Variants in SEPTIN11 observed in about 807,000 individuals in gnomAD.
SEPTIN11 encodes septin 11, also known as septin-11.
Under a neutral mutation model 51.4 loss-of-function variants are expected in SEPTIN11, and 25 were observed. That is an observed-to-expected ratio of 0.49 (90% CI 0.35 to 0.68). SEPTIN11 has a LOEUF of 0.68. SEPTIN11 is among the 30% of genes least tolerant of loss of function. The pLI is 0.00. For synonymous variants in SEPTIN11, 174 were observed against 184.1 expected (o/e 0.95, Z 0.44); for missense variants, 381 against 520.8 (o/e 0.73, Z 2.61).
intron 2 of SEPTIN11, among the ~76,000 whole-genome samples, chr4:76,998,889 T>TG (rs1026062718): frequency 6.6e-6 from 1 of 152,092 alleles, no homozygotes; most frequent in Admixed American, 6.6e-5. Flanking sequence ...ATGCTCAGCC[T>TG]GGGGGGAAGA....
At position 77,005,605 on chromosome 4, in the gene SEPTIN11, G is replaced by A. The variant is rs1228756083; in HGVS notation, c.147G>A (p.Glu49=). The change falls in exon 3 of 10, where the codon GAG becomes GAA. Residue 49 remains glutamate (E), a synonymous_variant. Transcript: ENST00000264893. ...GFCFNILCVG[E]TGIGKSTLMD... ...TTTTCTTTTGTGGTTATGTAGGTGA[G>A]ACAGGCATTGGCAAATCCACGTTAA... The A allele has an allele frequency of 1.2e-6, 2 of 1,612,778 alleles. No individual in the cohort carries two copies. The highest frequency in any genetic ancestry group is 2.7e-5 in the African/African-American group (2 of 75,006).
At chr4:76,993,980 C>T (rs897432247) in intron 1 of SEPTIN11, among the ~76,000 whole-genome samples, 7 of 152,124 alleles carry the variant, frequency 4.6e-5, no homozygotes, top group African/African-American at 1.7e-4. Flanking sequence ...AACTCTGATT[C>T]TTTCCCAGGA....
At chr4:77,039,067 C>T (rs1487975288), downstream of SEPTIN11, 2 of 1,287,844 alleles carry the variant, frequency 1.6e-6, no homozygotes, top group Non-Finnish European at 2.0e-6. Context: ...TTTTTCTCTT[C>T]TGTAGCTTCT....
Position 76,984,130 on chromosome 4 carries a change from A to G in SEPTIN11, c.28-12295A>G, listed in dbSNP as rs1237969745. 6.6e-6 allele frequency among the ~76,000 whole-genome samples: 1 copy of G among 152,214 alleles called. No individual in the cohort carries two copies. Among genetic ancestry groups the G allele is most frequent in the Non-Finnish European group, 1.5e-5 (1 of 68,028 alleles). ...TGGTATGTTTATTTCCTCAATATGT[A>G]TCATGGTTTTGGTCATTTCTGGTAT... On this transcript the variant is annotated intron_variant, in intron 1 of 9. Transcript: ENST00000264893. The surrounding 1 kb of genome is among the most constrained non-coding windows in gnomAD (Gnocchi z 4.1).
At chr4:76,951,944 G>T (rs776421499) in intron 1 of SEPTIN11, among the ~76,000 whole-genome samples, 3 of 152,078 alleles carry the variant, frequency 2.0e-5, no homozygotes, top group African/African-American at 7.2e-5. Context: ...TTCTTTCTGC[G>T]CACTCTGTTG....
chr4:77,039,040 T>G, downstream of SEPTIN11: 1 of 1,258,264 alleles, frequency 7.9e-7, no homozygotes, highest in Non-Finnish European at 1.0e-6. Context: ...GAATCAAATT[T>G]GAATCTGAAC....
chr4:76,976,768 T>A (rs1230896014), intron 1 of SEPTIN11, among the ~76,000 whole-genome samples: 2 of 152,198 alleles, frequency 1.3e-5, no homozygotes, highest in Non-Finnish European at 2.9e-5. Flanking sequence ...TAATCTTTTA[T>A]CCCATTGCAA....
At chr4:76,959,337 C>T (rs1468096152) in intron 1 of SEPTIN11, among the ~76,000 whole-genome samples, 2 of 150,752 alleles carry the variant, frequency 1.3e-5, no homozygotes, top group African/African-American at 2.4e-5. Flanking sequence ...TTGTCTCAAA[C>T]CCCTGGCCTC....
intron 1 of SEPTIN11, among the ~76,000 whole-genome samples, chr4:76,966,984 G>T (rs1722060667): frequency 6.6e-6 from 1 of 152,052 alleles, no homozygotes; most frequent in Non-Finnish European, 1.5e-5. Context: ...ATCACTTGAG[G>T]TCGGGATTTT....
intron 1 of SEPTIN11, among the ~76,000 whole-genome samples, chr4:76,984,000 C>A (rs536734424): frequency 6.6e-6 from 1 of 152,126 alleles, no homozygotes; most frequent in East Asian, 1.9e-4. Flanking sequence ...GAGCAAGACT[C>A]CATTTCAGGG....
At chr4:76,963,815 T>G (rs895103689) in intron 1 of SEPTIN11, among the ~76,000 whole-genome samples, 1 of 152,188 alleles carries the variant, frequency 6.6e-6, no homozygotes, top group Non-Finnish European at 1.5e-5. Flanking sequence ...TATTTATTTT[T>G]TATTATACTT....
At chr4:77,038,783 G>A (rs1727206142), downstream of SEPTIN11, among the ~76,000 whole-genome samples, 1 of 152,106 alleles carries the variant, frequency 6.6e-6, no homozygotes, top group Admixed American at 6.6e-5. Flanking sequence ...AAAGATACGT[G>A]CCATGTGGTG....
intron 1 of SEPTIN11, chr4:76,974,933 G>A: frequency 2.2e-6 from 1 of 449,020 alleles, no homozygotes; most frequent in South Asian, 1.6e-5. Context: ...GACCAGCCTG[G>A]CCAAAATGAC....
chr4:77,028,707 G>A lies in SEPTIN11; in HGVS notation c.1032G>A (p.Met344Ile), dbSNP rs771384009. 1.2e-6 allele frequency: 2 copies of A among 1,613,966 alleles called. No individual in the cohort carries two copies. The highest frequency in any genetic ancestry group is 1.7e-6 in the Non-Finnish European group (2 of 1,179,920). ...AGAAAGAAGAAGAAATGAGACAAAT[G>A]TTTGTTATGAGAGTGAAGGAGAAAG... is the stretch of plus-strand genomic sequence containing the variant. ...LQKKEEEMRQ[M>I]FVMRVKEKEA... The change falls in exon 8 of 10, where the codon ATG becomes ATA. Residue 344 changes from methionine (M) to isoleucine (I), a missense_variant. Coordinates refer to ENST00000264893, the MANE Select transcript of SEPTIN11 (RefSeq NM_018243.4).
chr4:77,011,964 T>C, intron 4 of SEPTIN11, 43 bp downstream of exon 4: 1 of 1,553,628 alleles, frequency 6.4e-7, no homozygotes, highest in Non-Finnish European at 8.9e-7. Flanking sequence ...TCCTTTTAGA[T>C]CTTCTTTATC....
chr4:77,011,250 A>G (rs1410138719), intron 3 of SEPTIN11, among the ~76,000 whole-genome samples: 1 of 152,112 alleles, frequency 6.6e-6, no homozygotes, highest in Non-Finnish European at 1.5e-5. Flanking sequence ...CATTTTGTGC[A>G]CCAGTGGCAA....
At chr4:76,959,270 A>ATTTTT (rs1191094388) in intron 1 of SEPTIN11, 5 of 152,904 alleles carry the variant, frequency 3.3e-5, no homozygotes, top group East Asian at 1.9e-4. Flanking sequence ...TTTTTTTTTA[A>ATTTTT]AAATAATAAT....
At chr4:76,975,631 C>G (rs1425569728) in intron 1 of SEPTIN11, among the ~76,000 whole-genome samples, 1 of 152,158 alleles carries the variant, frequency 6.6e-6, no homozygotes, top group East Asian at 1.9e-4. Flanking sequence ...TTCATTCACT[C>G]TGATGCAGCG....
intron 5 of SEPTIN11, among the ~76,000 whole-genome samples, chr4:77,018,703 G>GTC (rs1725483383): frequency 9.0e-6 from 1 of 110,722 alleles, no homozygotes. Flanking sequence ...CATCTACCTT[G>GTC]GTCTTTTTCA....
Sources: gnomAD v4.1 joint callset for allele counts (sites outside exome capture counted in the v4.1 genomes callset) on GRCh38, gnomAD v4.1.1 for gene constraint, Gnocchi (gnomAD v3.1) non-coding constraint, MANE v1.5 for transcripts, NCBI Gene and HGNC (gene_info 2026-07-23, HGNC 2026-07-21) for gene names.